The following FAM193A variants were observed in gnomAD, a reference collection of about 807,000 sequenced individuals.
FAM193A encodes family with sequence similarity 193 member A.
FAM193A carries 22 observed loss-of-function variants against 126.5 expected under a neutral mutation model. That is an observed-to-expected ratio of 0.17 (90% CI 0.12 to 0.25). FAM193A has a LOEUF of 0.25. Ranked by LOEUF, FAM193A falls within the 10% of genes least tolerant of loss-of-function variation. The pLI is 1.00. For synonymous variants in FAM193A, 761 were observed against 646.8 expected, an observed-to-expected ratio of 1.18 and a Z score of -2.68; for missense variants, 1,675 against 1,672.8, an observed-to-expected ratio of 1.00 and a Z score of -0.02.
At chr4:2,670,599 A>G (rs554543910) in intron 12 of FAM193A, among the ~76,000 whole-genome samples, 8 of 152,168 alleles carry the variant, frequency 5.3e-5, no homozygotes, top group African/African-American at 1.4e-4. Context: ...ACTTGGGACT[A>G]CAGGCACACA....
intron 1 of FAM193A, among the ~76,000 whole-genome samples, chr4:2,571,890 G>A (rs1276919670): frequency 1.3e-5 from 2 of 151,152 alleles, no homozygotes; most frequent in Non-Finnish European, 3.0e-5. Context: ...CAAAGGCCAG[G>A]CGCTGTGGCT....
chr4:2,726,346 A>G (rs1343994005), intron 20 of FAM193A, among the ~76,000 whole-genome samples: 2 of 152,132 alleles, frequency 1.3e-5, no homozygotes, highest in South Asian at 4.2e-4. Context: ...GCCCTGATAA[A>G]CAACTTTTGT....
chr4:2,599,721 T>C (rs1251376747), intron 2 of FAM193A, among the ~76,000 whole-genome samples: 1 of 151,020 alleles, frequency 6.6e-6, no homozygotes, highest in Non-Finnish European at 1.5e-5. Flanking sequence ...GCTCACTTGC[T>C]TGTCTTCTCT....
chr4:2,625,584 G>C, intron 3 of FAM193A, 189 bp downstream of exon 3: 1 of 444,626 alleles, frequency 2.2e-6, no homozygotes, highest in South Asian at 4.9e-5. Flanking sequence ...CTGGCACTAG[G>C]AAGCATCCTC....
At chr4:2,625,493 C>A in intron 3 of FAM193A, 98 bp downstream of exon 3, 1 of 577,336 alleles carries the variant, frequency 1.7e-6, no homozygotes, top group Admixed American at 2.7e-5. Flanking sequence ...ATGTGACAGA[C>A]AGCAACAAGA....
At chr4:2,558,152 A>G (rs1234001532) in intron 1 of FAM193A, among the ~76,000 whole-genome samples, 1 of 151,876 alleles carries the variant, frequency 6.6e-6, no homozygotes, top group Non-Finnish European at 1.5e-5. Flanking sequence ...CATGCCTGTA[A>G]TCTTAGCTAC....
At chr4:2,583,658 A>G (rs1740076815) in intron 1 of FAM193A, among the ~76,000 whole-genome samples, 1 of 152,118 alleles carries the variant, frequency 6.6e-6, no homozygotes, top group South Asian at 2.1e-4. Flanking sequence ...GTTGCCAGAA[A>G]TTGTCCTGAC....
At chr4:2,585,011 C>G (rs1160171502) in intron 1 of FAM193A, among the ~76,000 whole-genome samples, 1 of 152,092 alleles carries the variant, frequency 6.6e-6, no homozygotes, top group Non-Finnish European at 1.5e-5. Flanking sequence ...ATGGAAGCAT[C>G]CATACTGAAT....
intron 19 of FAM193A, among the ~76,000 whole-genome samples, chr4:2,712,502 C>T (rs1460764040): frequency 6.6e-6 from 1 of 152,158 alleles, no homozygotes; most frequent in East Asian, 1.9e-4. Flanking sequence ...GTGACTGCTG[C>T]CCCTGCTCTC....
intron 7 of FAM193A, among the ~76,000 whole-genome samples, chr4:2,652,508 T>TC (rs1190118013): frequency 2.0e-5 from 3 of 152,062 alleles, no homozygotes; most frequent in Admixed American, 1.3e-4. Context: ...AAACTTACAA[T>TC]CATGGTGGAA....
intron 2 of FAM193A, among the ~76,000 whole-genome samples, chr4:2,604,131 C>T (rs1741386294): frequency 1.3e-5 from 2 of 152,308 alleles, no homozygotes; most frequent in South Asian, 2.1e-4. Context: ...GGGTGAGCCA[C>T]CACGGCCAGC....
chr4:2,658,274 G>A (rs1711954503), intron 8 of FAM193A, among the ~76,000 whole-genome samples: 1 of 152,116 alleles, frequency 6.6e-6, no homozygotes, highest in Non-Finnish European at 1.5e-5. Context: ...GCTGGAATGG[G>A]GGCCCAGCAT....
intron 1 of FAM193A, among the ~76,000 whole-genome samples, chr4:2,563,550 C>G (rs549535044): frequency 6.6e-6 from 1 of 151,806 alleles, no homozygotes; most frequent in Non-Finnish European, 1.5e-5. Flanking sequence ...AAAAAAACCT[C>G]CCAAAACCAA....
intron 6 of FAM193A, among the ~76,000 whole-genome samples, chr4:2,645,614 C>T (rs1745059398): frequency 6.6e-6 from 1 of 152,074 alleles, no homozygotes; most frequent in African/African-American, 2.4e-5. Context: ...CCAACCTCTG[C>T]CTCCCAGGTT....
At chr4:2,537,551 C>A (rs1000225100) in intron 1 of FAM193A, among the ~76,000 whole-genome samples, 1 of 152,228 alleles carries the variant, frequency 6.6e-6, no homozygotes, top group Non-Finnish European at 1.5e-5. Context: ...GCGGGTGATA[C>A]CCGCGAGGCC....
chr4:2,628,854 T>TC (rs369653942), intron 4 of FAM193A, among the ~76,000 whole-genome samples: 903 of 54,436 alleles, frequency 0.017, 8 homozygotes, highest in African/African-American at 0.04. Context: ...TGTCTCTCTC[T>TC]TTTTTTTTTT....
At chr4:2,703,173 TAA>T (rs1717928318) in intron 19 of FAM193A, among the ~76,000 whole-genome samples, 1 of 152,232 alleles carries the variant, frequency 6.6e-6, no homozygotes, top group Admixed American at 6.5e-5. Flanking sequence ...GTACTCCATT[TAA>T]AGTGTACGAT....
intron 1 of FAM193A, among the ~76,000 whole-genome samples, chr4:2,543,784 G>T (rs1472214044): frequency 1.3e-5 from 2 of 150,376 alleles, no homozygotes; most frequent in Non-Finnish European, 3.0e-5. Context: ...CCTGAACCCG[G>T]GGTGGGGGGT....
In FAM193A at chr4:2,631,304, C is replaced by T. The variant is rs533280356; in HGVS notation, c.1038+135C>T. 34 of 721,630 alleles carry T rather than the reference C, an allele frequency of 4.7e-5. No individual in the cohort carries two copies. The Admixed American group carries it at 4.9e-4, about 10-fold the overall frequency. 44.7% of individuals were successfully genotyped at this position (721,630 alleles called of 1,614,324 possible). Reference sequence around the variant, plus strand: ...CACTGTGATAGGCCCCTCTTCTCTACGGGAGAGGACCTGTTTCCTCTCCTC... The same window carrying T: ...CACTGTGATAGGCCCCTCTTCTCTATGGGAGAGGACCTGTTTCCTCTCCTC... On this transcript the variant is annotated intron_variant, in intron 5 of 20. Transcript: ENST00000637812.
Sources: gnomAD v4.1 joint callset for allele counts (sites outside exome capture counted in the v4.1 genomes callset) on GRCh38, gnomAD v4.1.1 for gene constraint, MANE v1.5 for transcripts, NCBI Gene and HGNC (gene_info 2026-07-23, HGNC 2026-07-21) for gene names.